Variants in MYO1F observed in about 807,000 individuals in gnomAD.
MYO1F encodes myosin IF, also known as unconventional myosin-If.
In MYO1F, 60 loss-of-function variants were observed where a neutral mutation model predicts 146.6. The ratio of observed to expected loss-of-function variants is 0.41; its 90% confidence interval spans 0.33 to 0.51. The LOEUF (loss-of-function observed/expected upper bound fraction) is 0.51. MYO1F is among the 20% of genes least tolerant of loss of function. The pLI, the probability that MYO1F is intolerant of heterozygous loss-of-function variation, is 0.25. For synonymous variants in MYO1F, 602 were observed against 602.1 expected (o/e 1.00, Z 0.00); for missense variants, 1,274 against 1,534.3 (o/e 0.83, Z 2.83).
chr19:8,552,321 C>T (rs1440956974), intron 6 of MYO1F, among the ~76,000 whole-genome samples, 157 bp from the exon 7 acceptor site: 1 of 151,902 alleles, frequency 6.6e-6, no homozygotes, highest in Non-Finnish European at 1.5e-5. Context: ...TTCAGTGGCG[C>T]AATGTCGGCT....
In MYO1F at chr19:8,530,589, G is replaced by C; in HGVS notation, c.2044-16C>G. ...GGAGGAAAAGCTGGGCGGGGGTCGT[G>C]GGGGGCAAGGGTGAGTCCTGGTGTC... On this transcript the variant is annotated splice_polypyrimidine_tract_variant and intron_variant, in intron 19 of 27. Coordinates refer to ENST00000644032, the MANE Select transcript of MYO1F (RefSeq NM_012335.4). This position sits in a 1 kb window ranked among gnomAD's most constrained non-coding sequence, Gnocchi z 5.8. 2 of 1,595,336 alleles carry C rather than the reference G, an allele frequency of 1.3e-6. No individual in the cohort carries two copies. Among genetic ancestry groups the C allele is most frequent in the Non-Finnish European group, 1.7e-6 (2 of 1,169,340 alleles).
intron 2 of MYO1F, 54 bp downstream of exon 2, chr19:8,555,605 C>T: frequency 6.2e-7 from 1 of 1,612,574 alleles, no homozygotes; most frequent in Non-Finnish European, 8.5e-7. Context: ...CCGTCCATGG[C>T]CCAGCCATTC....
At chr19:8,557,286 A>C (rs10401387) in intron 1 of MYO1F, among the ~76,000 whole-genome samples, 6 of 149,158 alleles carry the variant, frequency 4.0e-5, no homozygotes, top group Non-Finnish European at 8.8e-5. Context: ...AAAAAAACAA[A>C]CAACCAAACA....
intron 1 of MYO1F, among the ~76,000 whole-genome samples, chr19:8,570,516 G>T (rs928068510): frequency 6.6e-6 from 1 of 150,630 alleles, no homozygotes; most frequent in Non-Finnish European, 1.5e-5. Flanking sequence ...ACAGGTGCAC[G>T]CCACCACACC....
At chr19:8,546,280 T>C (rs1420827893) in intron 12 of MYO1F, among the ~76,000 whole-genome samples, 2 of 151,740 alleles carry the variant, frequency 1.3e-5, no homozygotes, top group Admixed American at 6.6e-5. Flanking sequence ...GTCAGGCTGG[T>C]CTCGAACTCC....
At chr19:8,559,448 G>C (rs970433299) in intron 1 of MYO1F, among the ~76,000 whole-genome samples, 1 of 152,082 alleles carries the variant, frequency 6.6e-6, no homozygotes, top group African/African-American at 2.4e-5. Context: ...TTTGGCATAA[G>C]GGTAGATCTG....
rs201642007 is a variant in MYO1F at position 8,553,166 on chromosome 19, A to G, written c.477T>C (p.Thr159=). The G allele has an allele frequency of 4.6e-5, 75 of 1,614,210 alleles. No individual in the cohort carries two copies. Among genetic ancestry groups the G allele is most frequent in the Middle Eastern group, 1.7e-4 (1 of 6,060 alleles). The change falls in exon 6 of 28, where the codon ACT becomes ACC. Residue 159 remains threonine, a synonymous_variant. Coordinates refer to ENST00000644032, the MANE Select transcript of MYO1F (RefSeq NM_012335.4). ...AGCGGCTGGAATTGTTGTTGCGCAC[A>G]GTCTTGGCGTTGCCGAAGGCCTCGA... ...PLLEAFGNAK[T]VRNNNSSRFG...
At chr19:8,567,372 T>C (rs1034264480) in intron 1 of MYO1F, among the ~76,000 whole-genome samples, 5 of 150,398 alleles carry the variant, frequency 3.3e-5, no homozygotes, top group Non-Finnish European at 7.4e-5. Context: ...GCCCACTGGG[T>C]CTATTTTTTT....
chr19:8,548,088 A>G lies in MYO1F; in HGVS notation c.1217T>C (p.Val406Ala). 1 of 1,612,454 alleles carries G rather than the reference A, an allele frequency of 6.2e-7. No homozygotes were observed. The highest frequency in any genetic ancestry group is 8.5e-7 in the Non-Finnish European group (1 of 1,179,594). ...AAAGATTTGCTGCAGCTTCTCATTG[A>G]CGAAGTTGATGCAAAACTGCTCGAA... The part of the protein sequence containing the change: ...NGFEQFCINF[V>A]NEKLQQIFIE... The change falls in exon 12 of 28, where the codon GTC becomes GCC. Residue 406 changes from valine (V) to alanine (A), a missense_variant. Transcript: ENST00000644032.
chr19:8,550,699 G>A lies in MYO1F; in HGVS notation c.772-5C>T, dbSNP rs1409577189. 1 of 1,613,972 alleles carries A rather than the reference G, an allele frequency of 6.2e-7. No homozygotes were observed. Among genetic ancestry groups the A allele is most frequent in the East Asian group, 2.2e-5 (1 of 44,862 alleles). On this transcript the variant is annotated splice_region_variant and splice_polypyrimidine_tract_variant and intron_variant, in intron 8 of 27. Transcript: ENST00000644032. ...CCCAATAACCTGCATAGCACTCTGTGGTACAACGGGGGCAGAAACTGTGCC... is the reference window on the plus strand; with the variant it reads ...CCCAATAACCTGCATAGCACTCTGTAGTACAACGGGGGCAGAAACTGTGCC...
Position 8,526,487 on chromosome 19 carries a change from C to A in MYO1F, c.2736G>T (p.Thr912=), listed in dbSNP as rs1024877291. ...TGGGCAGCCCATCGCCCACGCTGAC[C>A]GTGAGGGTCCGACCGCCAACCTTGA... The part of the protein sequence containing the change: ...AVLKVGGRTL[T]VSVGDGLPKS... The change falls in exon 24 of 28, where the codon ACG becomes ACT. Residue 912 remains threonine (T), a synonymous_variant. Transcript: ENST00000644032. The A allele has an allele frequency of 1.2e-5, 19 of 1,568,248 alleles. No individual in the cohort carries two copies. The highest frequency in any genetic ancestry group is 1.6e-5 in the Non-Finnish European group (18 of 1,156,918).
chr19:8,529,791 A>C (rs1181440429), intron 21 of MYO1F: 2 of 363,418 alleles, frequency 5.5e-6, no homozygotes, highest in Non-Finnish European at 1.1e-5. Flanking sequence ...TGTGTCTGCT[A>C]TACTTGAGTG....
Position 8,530,665 on chromosome 19 carries a change from G to T in MYO1F, c.2044-92C>A. 9.8e-7 allele frequency: 1 copy of T among 1,020,768 alleles called. No homozygotes were observed. The highest frequency in any genetic ancestry group is 1.3e-5 in the South Asian group (1 of 78,558). The allele number at this position is 1,020,768 out of a possible 1,614,324, so 63.2% of individuals were successfully genotyped here. On this transcript the variant is annotated intron_variant, in intron 19 of 27. Coordinates refer to ENST00000644032, the MANE Select transcript of MYO1F (RefSeq NM_012335.4). The surrounding 1 kb of genome is among the most constrained non-coding windows in gnomAD (Gnocchi z 5.8). ...TTCCCTGCGCTCACCCTACTCACAC[G>T]CTTTTGCTCACCCATCCCCACACAT...
At chr19:8,564,103 G>A (rs111594115) in intron 1 of MYO1F, among the ~76,000 whole-genome samples, 195 of 152,204 alleles carry the variant, frequency 1.3e-3, no homozygotes, top group Non-Finnish European at 2.4e-3. Context: ...GGTGCTGGCC[G>A]GGCATGGCGG....
At chr19:8,540,709 C>T (rs1972925598) in intron 15 of MYO1F, among the ~76,000 whole-genome samples, 1 of 138,642 alleles carries the variant, frequency 7.2e-6, no homozygotes, top group Non-Finnish European at 1.5e-5. Flanking sequence ...GAGACACTGT[C>T]TCCAAAAAAA....
intron 23 of MYO1F, 88 bp from the exon 24 acceptor site, chr19:8,526,689 G>GGGGCCGGT: frequency 6.5e-7 from 1 of 1,533,458 alleles, no homozygotes; most frequent in East Asian, 2.4e-5. Flanking sequence ...GCGGGGCCGC[G>GGGGCCGGT]GCCGGGGCCG....
At chr19:8,531,305 C>A (rs1013511645) in intron 19 of MYO1F, among the ~76,000 whole-genome samples, 1 of 152,118 alleles carries the variant, frequency 6.6e-6, no homozygotes, top group Non-Finnish European at 1.5e-5. Flanking sequence ...TGAGATTGTG[C>A]CATTGCACTC....
Position 8,548,262 on chromosome 19 carries a change from TCCAGC to T in MYO1F, c.1152_1156del (p.Leu385HisfsTer22). 1 of 1,614,014 alleles carries T rather than the reference TCCAGC, an allele frequency of 6.2e-7. No homozygotes were observed. The highest frequency in any genetic ancestry group is 8.5e-7 in the Non-Finnish European group (1 of 1,180,000). On this transcript the variant is annotated frameshift_variant, in exon 11 of 28. Transcript: ENST00000644032. LOFTEE classifies it high-confidence loss of function. ...CTGGAAGATCTCGAAGCCGTAAATG[TCCAGC>T]ACACCGATGCTGTACTCTTCCTGGG...
At chr19:8,539,242 CTG>C (rs1972855471) in intron 16 of MYO1F, among the ~76,000 whole-genome samples, 1 of 152,036 alleles carries the variant, frequency 6.6e-6, no homozygotes, top group Admixed American at 6.6e-5. Flanking sequence ...TGGTGAAACC[CTG>C]TCTCTACTGA....
Sources: gnomAD v4.1 joint callset for allele counts (sites outside exome capture counted in the v4.1 genomes callset) on GRCh38, gnomAD v4.1.1 for gene constraint, Gnocchi (gnomAD v3.1) non-coding constraint, MANE v1.5 for transcripts, NCBI Gene and HGNC (gene_info 2026-07-23, HGNC 2026-07-21) for gene names.